Variants in POLR3B observed in about 807,000 individuals in gnomAD.
POLR3B encodes DNA-directed RNA polymerase III subunit RPC2.
In POLR3B, 96 loss-of-function variants were observed where a neutral mutation model predicts 147.4. The observed-to-expected ratio is 0.65, with a 90% CI of 0.55 to 0.77. POLR3B has a LOEUF of 0.77. POLR3B is among the 30% of genes least tolerant of loss of function. POLR3B has a pLI of 0.00. For missense variants in POLR3B, 1,036 were observed against 1,413.5 expected (o/e 0.73, Z 4.28); for synonymous variants, 461 against 485.9 (o/e 0.95, Z 0.67).
intron 10 of POLR3B, among the ~76,000 whole-genome samples, chr12:106,401,985 T>TA (rs1345907875): frequency 2.0e-5 from 3 of 152,150 alleles, no homozygotes; most frequent in African/African-American, 4.8e-5. Flanking sequence ...TTGAAGGAAA[T>TA]AAAGAGTATT....
chr12:106,441,595 G>A (rs73186465), intron 18 of POLR3B, among the ~76,000 whole-genome samples: 3 of 152,164 alleles, frequency 2.0e-5, no homozygotes, highest in Middle Eastern at 6.8e-3. Flanking sequence ...ATGTTATGTG[G>A]TGTGTGACTG....
chr12:106,386,457 T>G (rs2036839605), intron 9 of POLR3B, among the ~76,000 whole-genome samples: 1 of 152,120 alleles, frequency 6.6e-6, no homozygotes. Context: ...TTATAGACAC[T>G]TGAAGATGCA....
chr12:106,460,661 G>T (rs774359396), intron 22 of POLR3B, among the ~76,000 whole-genome samples: 8 of 152,120 alleles, frequency 5.3e-5, no homozygotes, highest in Non-Finnish European at 1.2e-4. Flanking sequence ...CTGCTGGTTG[G>T]CTCTCTTCCC....
At chr12:106,417,172 A>G (rs1205631318) in intron 12 of POLR3B, among the ~76,000 whole-genome samples, 1 of 152,234 alleles carries the variant, frequency 6.6e-6, no homozygotes, top group Admixed American at 6.5e-5. Flanking sequence ...ATTTCCACAT[A>G]TGTGCAGGCC....
intron 10 of POLR3B, among the ~76,000 whole-genome samples, chr12:106,402,847 A>T (rs1342959310): frequency 1.3e-5 from 2 of 152,260 alleles, no homozygotes; most frequent in East Asian, 3.8e-4. Context: ...ACCTAAAACC[A>T]TAAAAACCCT....
chr12:106,382,304 C>T (rs2036774471), intron 9 of POLR3B, among the ~76,000 whole-genome samples: 1 of 152,190 alleles, frequency 6.6e-6, no homozygotes, highest in Non-Finnish European at 1.5e-5. Flanking sequence ...GAAGCTCCAT[C>T]TTCCATAACT....
At chr12:106,433,958 A>G (rs2037543391) in intron 16 of POLR3B, 86 bp downstream of exon 16, 4 of 1,113,698 alleles carry the variant, frequency 3.6e-6, no homozygotes, top group Non-Finnish European at 5.3e-6. Flanking sequence ...TATTTTTGAA[A>G]CTGTTTTAAC....
At chr12:106,397,143 A>G (rs1218180389) in intron 10 of POLR3B, among the ~76,000 whole-genome samples, 1 of 151,822 alleles carries the variant, frequency 6.6e-6, no homozygotes, top group Non-Finnish European at 1.5e-5. Flanking sequence ...AAAAAAGCAC[A>G]TTGTTGTTCC....
chr12:106,409,370 TTC>T (rs1178571005), intron 11 of POLR3B, among the ~76,000 whole-genome samples: 5 of 147,182 alleles, frequency 3.4e-5, no homozygotes, highest in Admixed American at 1.4e-4. Flanking sequence ...TTTTTTTTTT[TTC>T]TTGAGGATGG....
intron 17 of POLR3B, 24 bp downstream of exon 17, chr12:106,437,155 A>G: frequency 6.7e-7 from 1 of 1,485,944 alleles, no homozygotes; most frequent in South Asian, 1.1e-5. Context: ...AGTAAAACTT[A>G]CCAATCTCCT....
chr12:106,476,073 A>G (rs1325279520), intron 23 of POLR3B, among the ~76,000 whole-genome samples: 5 of 140,230 alleles, frequency 3.6e-5, no homozygotes, highest in African/African-American at 1.4e-4. Context: ...TGGTGACAAA[A>G]TCTCTCAGCA....
intron 23 of POLR3B, among the ~76,000 whole-genome samples, chr12:106,464,080 G>T (rs1294342204): frequency 6.6e-6 from 1 of 152,050 alleles, no homozygotes; most frequent in Non-Finnish European, 1.5e-5. Flanking sequence ...ATTTTCAGTG[G>T]CCAGTCAAGG....
chr12:106,479,806 T>TG (rs1356437513), intron 23 of POLR3B, among the ~76,000 whole-genome samples: 1 of 149,162 alleles, frequency 6.7e-6, no homozygotes, highest in African/African-American at 2.5e-5. Flanking sequence ...CTTCTTTTCT[T>TG]TTCTTTTCTT....
intron 23 of POLR3B, among the ~76,000 whole-genome samples, chr12:106,480,000 G>GTTTT (rs36096330): frequency 1.4e-5 from 2 of 144,960 alleles, no homozygotes; most frequent in African/African-American, 2.5e-5. Context: ...TTGTTTTTGG[G>GTTTT]TTTTTTTTTT....
intron 27 of POLR3B, among the ~76,000 whole-genome samples, chr12:106,505,643 C>T (rs2038675240): frequency 6.6e-6 from 1 of 152,160 alleles, no homozygotes; most frequent in African/African-American, 2.4e-5. Context: ...ACACAAGCTA[C>T]AGAGCTTCCA....
chr12:106,406,615 A>G (rs1384313084), intron 11 of POLR3B, among the ~76,000 whole-genome samples: 1 of 152,198 alleles, frequency 6.6e-6, no homozygotes, highest in Non-Finnish European at 1.5e-5. Flanking sequence ...CTCTGATCCA[A>G]ACATGCTAGA....
intron 25 of POLR3B, among the ~76,000 whole-genome samples, chr12:106,497,843 C>T (rs551787259): frequency 6.6e-6 from 1 of 152,328 alleles, no homozygotes; most frequent in Admixed American, 6.5e-5. Flanking sequence ...TAATTTAAAA[C>T]TATAACCCCA....
intron 23 of POLR3B, among the ~76,000 whole-genome samples, chr12:106,469,640 G>T (rs891874810): frequency 1.7e-4 from 26 of 152,238 alleles, no homozygotes; most frequent in South Asian, 6.2e-4. Context: ...TGTAAGGCAG[G>T]CCTGGTGGTG....
intron 19 of POLR3B, among the ~76,000 whole-genome samples, chr12:106,454,144 T>C (rs2037834686): frequency 6.6e-6 from 1 of 152,140 alleles, no homozygotes; most frequent in Non-Finnish European, 1.5e-5. Flanking sequence ...TGTTCTTACA[T>C]TACCTCTCCC....
Sources: allele counts gnomAD v4.1 joint callset (sites outside exome capture counted in the v4.1 genomes callset), GRCh38; gene constraint gnomAD v4.1.1; transcripts MANE v1.5; gene names NCBI Gene and HGNC (gene_info 2026-07-23, HGNC 2026-07-21).